ENTREP2: variants seen among roughly 807,000 people sequenced by gnomAD.
The protein encoded by ENTREP2 is protein ENTREP2.
the ENTREP2 span, among the ~76,000 whole-genome samples, chr15:29,655,632 G>A: frequency 3.9e-5 from 6 of 151,922 alleles, no homozygotes; most frequent in African/African-American, 1.2e-4. Context: ...AAAGGCTTGT[G>A]GAAAAATTCA....
At chr15:29,450,804 T>C in the ENTREP2 span, among the ~76,000 whole-genome samples, 3 of 152,182 alleles carry the variant, frequency 2.0e-5, no homozygotes, top group African/African-American at 7.2e-5. Flanking sequence ...ATGATGTTCC[T>C]GCAAAGGAAC....
the ENTREP2 span, among the ~76,000 whole-genome samples, chr15:29,363,951 T>G: frequency 6.6e-6 from 1 of 152,216 alleles, no homozygotes; most frequent in Non-Finnish European, 1.5e-5. Flanking sequence ...CCAGGGCTTT[T>G]GGTGCCACAC....
chr15:29,506,204 A>T, the ENTREP2 span, among the ~76,000 whole-genome samples: 8 of 152,160 alleles, frequency 5.3e-5, no homozygotes, highest in African/African-American at 1.9e-4. Context: ...TGAAGACAAG[A>T]TTAGAGAAAA....
chr15:29,369,646 TAGAC>T, the ENTREP2 span, among the ~76,000 whole-genome samples: 7 of 151,886 alleles, frequency 4.6e-5, no homozygotes, highest in South Asian at 2.1e-4. Context: ...CAAAACTAGA[TAGAC>T]AGTAAATTAA....
chr15:29,223,673 G>T, the ENTREP2 span, among the ~76,000 whole-genome samples: 6 of 152,100 alleles, frequency 3.9e-5, no homozygotes, highest in African/African-American at 1.4e-4. Context: ...ACACAATGCG[G>T]GCCCAGTAGA....
the ENTREP2 span, among the ~76,000 whole-genome samples, chr15:29,350,246 T>A: frequency 6.6e-6 from 1 of 152,198 alleles, no homozygotes; most frequent in Admixed American, 6.5e-5. Flanking sequence ...TTTGGCTATA[T>A]TATTTATAAA....
chr15:29,357,712 G>A, the ENTREP2 span, among the ~76,000 whole-genome samples: 5 of 152,098 alleles, frequency 3.3e-5, no homozygotes, highest in African/African-American at 9.7e-5. Context: ...GGTGGCGGGC[G>A]CCTGTAGTCC....
At chr15:29,392,094 T>C in the ENTREP2 span, among the ~76,000 whole-genome samples, 24 of 150,712 alleles carry the variant, frequency 1.6e-4, no homozygotes, top group African/African-American at 5.4e-4. Flanking sequence ...TCCCAAAGTG[T>C]TGGAATTACA....
chr15:29,323,661 A>G, the ENTREP2 span, among the ~76,000 whole-genome samples: 1 of 152,094 alleles, frequency 6.6e-6, no homozygotes, highest in Non-Finnish European at 1.5e-5. Context: ...GGGGGCAGCC[A>G]TGGGTTCCAG....
the ENTREP2 span, among the ~76,000 whole-genome samples, chr15:29,301,532 C>G: frequency 6.6e-6 from 1 of 152,090 alleles, no homozygotes; most frequent in Non-Finnish European, 1.5e-5. Context: ...TGGTTTAAAA[C>G]TTTTTATACT....
At chr15:29,362,172 A>G in the ENTREP2 span, among the ~76,000 whole-genome samples, 2 of 152,096 alleles carry the variant, frequency 1.3e-5, no homozygotes, top group Non-Finnish European at 2.9e-5. Flanking sequence ...CCTTCACAGG[A>G]AGAGAGTAAC....
the ENTREP2 span, among the ~76,000 whole-genome samples, chr15:29,649,342 T>C: frequency 6.6e-6 from 1 of 152,170 alleles, no homozygotes; most frequent in Non-Finnish European, 1.5e-5. Flanking sequence ...AGGAGTTATT[T>C]ATGATGAAGG....
the ENTREP2 span, chr15:29,195,392 T>C: frequency 1.1e-6 from 1 of 926,510 alleles, no homozygotes; most frequent in Non-Finnish European, 1.3e-6. Flanking sequence ...AGATCCGAGG[T>C]GGCTCTCTGC....
the ENTREP2 span, among the ~76,000 whole-genome samples, chr15:29,313,230 A>T: frequency 1.3e-5 from 2 of 152,234 alleles, no homozygotes; most frequent in Non-Finnish European, 2.9e-5. Flanking sequence ...GATAACCTGC[A>T]AGTCCAGAAG....
At chr15:29,203,268 G>A in the ENTREP2 span, among the ~76,000 whole-genome samples, 1 of 152,168 alleles carries the variant, frequency 6.6e-6, no homozygotes, top group Non-Finnish European at 1.5e-5. Flanking sequence ...CAGGCGTTTT[G>A]GCAGGTGCCT....
At chr15:29,647,608 C>G in the ENTREP2 span, among the ~76,000 whole-genome samples, 1 of 152,098 alleles carries the variant, frequency 6.6e-6, no homozygotes, top group African/African-American at 2.4e-5. Flanking sequence ...TTTAGAATGA[C>G]TAACAGTATA....
the ENTREP2 span, among the ~76,000 whole-genome samples, chr15:29,223,103 C>A: frequency 6.6e-6 from 1 of 152,208 alleles, no homozygotes; most frequent in African/African-American, 2.4e-5. Context: ...CTGGGCAGGG[C>A]TGCTGCTGAC....
the ENTREP2 span, among the ~76,000 whole-genome samples, chr15:29,152,399 C>T: frequency 1.3e-5 from 2 of 152,170 alleles, no homozygotes; most frequent in African/African-American, 4.8e-5. Flanking sequence ...CTTTTATAGA[C>T]ACACTCACCT....
At chr15:29,282,581 T>C in the ENTREP2 span, among the ~76,000 whole-genome samples, 2 of 152,116 alleles carry the variant, frequency 1.3e-5, no homozygotes, top group Non-Finnish European at 2.9e-5. Flanking sequence ...CTCTTCAAAT[T>C]GTTCCTCGTT....
Sources: gnomAD v4.1 joint callset for allele counts (sites outside exome capture counted in the v4.1 genomes callset) on GRCh38, gnomAD v4.1.1 for gene constraint, MANE v1.5 for transcripts, NCBI Gene and HGNC (gene_info 2026-07-23, HGNC 2026-07-21) for gene names.